AQP7B: variants seen among roughly 807,000 people sequenced by gnomAD.
AQP7B encodes aquaporin 7B, also known as putative aquaporin-7B.
chr2:94,597,109 C>T, the AQP7B span, among the ~76,000 whole-genome samples: 1 of 152,158 alleles, frequency 6.6e-6, no homozygotes, highest in Non-Finnish European at 1.5e-5. Flanking sequence ...AGGACGGGTG[C>T]TCTAGCTGCT....
At chr2:94,598,315 G>A in the AQP7B span, among the ~76,000 whole-genome samples, 3 of 152,196 alleles carry the variant, frequency 2.0e-5, no homozygotes, top group African/African-American at 4.8e-5. Context: ...CAGCCAGGAC[G>A]AGGGAAGTGG....
the AQP7B span, among the ~76,000 whole-genome samples, chr2:94,595,252 T>A: frequency 2.0e-5 from 3 of 151,946 alleles, no homozygotes; most frequent in East Asian, 1.9e-4. Context: ...CTGGCCAACA[T>A]GGTGAAACCC....
At chr2:94,601,819 G>A in the AQP7B span, among the ~76,000 whole-genome samples, 6 of 152,266 alleles carry the variant, frequency 3.9e-5, no homozygotes, top group South Asian at 1.2e-3. Context: ...CAGGAGCCAG[G>A]ACTGAAGGGA....
At chr2:94,595,339 G>T in the AQP7B span, among the ~76,000 whole-genome samples, 6 of 152,256 alleles carry the variant, frequency 3.9e-5, no homozygotes, top group Non-Finnish European at 5.9e-5. Context: ...GGAGGCTGAG[G>T]CAGGAGAATC....
At chr2:94,604,155 G>T in the AQP7B span, 2 of 924,668 alleles carry the variant, frequency 2.2e-6, no homozygotes, top group Non-Finnish European at 3.2e-6. Context: ...GGCTGACCAG[G>T]GCCCTGGGTT....
At chr2:94,592,147 C>T in the AQP7B span, among the ~76,000 whole-genome samples, 3 of 152,290 alleles carry the variant, frequency 2.0e-5, no homozygotes, top group Admixed American at 1.3e-4. Flanking sequence ...GCTCTGTCCA[C>T]TTCTCTCTCC....
At chr2:94,594,751 C>T in the AQP7B span, 10 of 1,576,206 alleles carry the variant, frequency 6.3e-6, no homozygotes, top group East Asian at 2.2e-5. Context: ...CAGGTCCACC[C>T]GTGGCTCCAA....
At chr2:94,603,325 G>T in the AQP7B span, 1 of 1,527,682 alleles carries the variant, frequency 6.5e-7, no homozygotes, top group South Asian at 1.2e-5. Context: ...CCTCATTTCT[G>T]GGACCCCAGT....
At chr2:94,588,740 C>T in the AQP7B span, among the ~76,000 whole-genome samples, 12 of 151,706 alleles carry the variant, frequency 7.9e-5, no homozygotes, top group East Asian at 5.9e-4. Context: ...GGGCTGGGTC[C>T]TGGGGTGAGG....
the AQP7B span, chr2:94,602,418 G>A: frequency 4.1e-6 from 6 of 1,465,076 alleles, no homozygotes; most frequent in African/African-American, 1.4e-5. Flanking sequence ...TGAGGAGCTA[G>A]AACTGAGCTC....
chr2:94,601,165 C>T, the AQP7B span, among the ~76,000 whole-genome samples: 7 of 152,340 alleles, frequency 4.6e-5, no homozygotes, highest in East Asian at 1.4e-3. Flanking sequence ...TTAATCCTGG[C>T]TCACCATGTA....
the AQP7B span, among the ~76,000 whole-genome samples, chr2:94,601,255 G>A: frequency 6.6e-6 from 1 of 152,202 alleles, no homozygotes; most frequent in East Asian, 1.9e-4. Context: ...GAGAATAATA[G>A]TGCTTAACTA....
the AQP7B span, among the ~76,000 whole-genome samples, chr2:94,588,865 A>T: frequency 6.6e-6 from 1 of 151,474 alleles, no homozygotes; most frequent in African/African-American, 2.4e-5. Context: ...AAAAAGAGCC[A>T]GTCCTTGCAA....
the AQP7B span, among the ~76,000 whole-genome samples, chr2:94,599,254 C>A: frequency 5.3e-5 from 8 of 152,100 alleles, no homozygotes; most frequent in African/African-American, 1.7e-4. Context: ...CCCCCCGGCA[C>A]CCCCATCTGT....
chr2:94,590,944 C>CAAAAAAAAAA, the AQP7B span, among the ~76,000 whole-genome samples: 31 of 48,952 alleles, frequency 6.3e-4, no homozygotes, highest in African/African-American at 9.7e-4. Flanking sequence ...GACCCTGTCT[C>CAAAAAAAAAA]AAAAAAAAAA....
the AQP7B span, chr2:94,603,697 G>T: frequency 2.1e-6 from 3 of 1,415,720 alleles, no homozygotes; most frequent in Non-Finnish European, 2.9e-6. Flanking sequence ...AGCTGCCACA[G>T]CATCTGCTCC....
chr2:94,602,262 G>T, the AQP7B span, among the ~76,000 whole-genome samples: 1 of 151,954 alleles, frequency 6.6e-6, no homozygotes, highest in Non-Finnish European at 1.5e-5. Flanking sequence ...TTCTAACTCT[G>T]CTGCTCCACC....
the AQP7B span, among the ~76,000 whole-genome samples, chr2:94,595,789 G>T: frequency 1.3e-4 from 20 of 152,272 alleles, no homozygotes; most frequent in Admixed American, 1.2e-3. Context: ...GAGCTGTTCT[G>T]GAGCACGGGG....
the AQP7B span, among the ~76,000 whole-genome samples, chr2:94,602,173 C>A: frequency 6.6e-6 from 1 of 151,906 alleles, no homozygotes; most frequent in African/African-American, 2.4e-5. Flanking sequence ...TGCCAGCCAT[C>A]CCCTCCTTGC....
Sources: allele counts gnomAD v4.1 joint callset (sites outside exome capture counted in the v4.1 genomes callset), GRCh38; gene constraint gnomAD v4.1.1; transcripts MANE v1.5; gene names NCBI Gene and HGNC (gene_info 2026-07-23, HGNC 2026-07-21).